The following CAMTA1 variants were observed in gnomAD, a reference collection of about 807,000 sequenced individuals.
CAMTA1 encodes the protein calmodulin binding transcription activator 1, also known as calmodulin-binding transcription activator 1.
A neutral mutation model predicts 170.9 loss-of-function variants in CAMTA1; 27 were observed. That is an observed-to-expected ratio of 0.16 (90% CI 0.12 to 0.22). The LOEUF is 0.22. Among genes scored for constraint, CAMTA1 ranks in the 10% least tolerant of loss-of-function variants. The pLI, the probability that CAMTA1 is intolerant of heterozygous loss-of-function variation, is 1.00. For synonymous variants in CAMTA1, 833 were observed against 891.5 expected, an observed-to-expected ratio of 0.93 and a Z score of 1.17; for missense variants, 1,619 against 2,217.2, an observed-to-expected ratio of 0.73 and a Z score of 5.42.
At chr1:7,352,511 T>C (rs116315314) in intron 5 of CAMTA1, among the ~76,000 whole-genome samples, 3,351 of 152,344 alleles carry the variant, frequency 0.022, 117 homozygotes, top group African/African-American at 0.075. Context: ...AGCTCCAGGC[T>C]GTGTGTGGCG....
Position 7,736,095 on chromosome 1 carries a change from G to A in CAMTA1, c.3067-249G>A, listed in dbSNP as rs534859825. 2.0e-5 allele frequency among the ~76,000 whole-genome samples: 3 copies of A among 152,158 alleles called. No homozygotes were observed. In the South Asian group the frequency reaches 6.2e-4, roughly 32 times the overall value. ...CAGCCTAAATTTTGTACTTTTTGTA[G>A]AGACAGGGTCTCACCATGTTGCCCA... On this transcript the variant is annotated intron_variant, in intron 12 of 22. Transcript: ENST00000303635. This position sits in a 1 kb window ranked among gnomAD's most constrained non-coding sequence, Gnocchi z 4.5.
In CAMTA1 at chr1:7,588,355, G is replaced by A. The variant is rs2095328177; in HGVS notation, c.511-52045G>A. 6.6e-6 allele frequency among the ~76,000 whole-genome samples: 1 copy of A among 152,200 alleles called. No individual in the cohort carries two copies. Among genetic ancestry groups the A allele is most frequent in the Admixed American group, 6.5e-5 (1 of 15,288 alleles). Reference sequence around the variant, plus strand: ...TCTGCAGTCTGGAGCCCTTTGCTCTGCCACACACAGTCGGGATGGTCCGGG... The same window carrying A: ...TCTGCAGTCTGGAGCCCTTTGCTCTACCACACACAGTCGGGATGGTCCGGG... On this transcript the variant is annotated intron_variant, in intron 6 of 22. Coordinates refer to ENST00000303635, the MANE Select transcript of CAMTA1 (RefSeq NM_015215.4). This position sits in a 1 kb window ranked among gnomAD's most constrained non-coding sequence, Gnocchi z 5.8.
In CAMTA1 at chr1:7,041,911, G is replaced by A. The variant is rs755305603; in HGVS notation, c.235-49393G>A. ...ACAGACCAAGTGGTGGCAATAATGT[G>A]TGCAGGGGTTAACGTCTGAATGCTC... On this transcript the variant is annotated intron_variant, in intron 3 of 22. Coordinates refer to ENST00000303635, the MANE Select transcript of CAMTA1 (RefSeq NM_015215.4). The surrounding 1 kb of genome is among the most constrained non-coding windows in gnomAD (Gnocchi z 5.1). Among the ~76,000 whole-genome samples the A allele has an allele frequency of 2.0e-4, 30 of 152,194 alleles. No individual in the cohort carries two copies. The highest frequency in any genetic ancestry group is 6.2e-4 in the South Asian group (3 of 4,830).
intron 5 of CAMTA1, among the ~76,000 whole-genome samples, chr1:7,436,953 G>A (rs1040793014): frequency 1.3e-5 from 2 of 152,118 alleles, no homozygotes; most frequent in East Asian, 1.9e-4. Context: ...AAGCCTGCAC[G>A]TTGGGGGGAA....
At chr1:7,717,218 T>A (rs939591705) in intron 11 of CAMTA1, among the ~76,000 whole-genome samples, 1 of 152,096 alleles carries the variant, frequency 6.6e-6, no homozygotes, top group African/African-American at 2.4e-5. Flanking sequence ...TGACTCGAGT[T>A]CATCATGATA....
rs1384011345 is a variant in CAMTA1 at position 7,251,568 on chromosome 1, G to A, written c.438+1942G>A. Among the ~76,000 whole-genome samples, 4 of 152,160 alleles carry A rather than the reference G, an allele frequency of 2.6e-5. No homozygotes were observed. The highest frequency in any genetic ancestry group is 4.1e-4 in the South Asian group (2 of 4,828). On this transcript the variant is annotated intron_variant, in intron 5 of 22. Transcript: ENST00000303635. This position sits in a 1 kb window ranked among gnomAD's most constrained non-coding sequence, Gnocchi z 5.1. The stretch of plus-strand genomic sequence containing the variant: ...TGGTGGCCTTGCCCGTGAGCTCAGC[G>A]AGTTGTCCCACTGAGCCACTCAGCA...
chr1:7,742,741 G>A (rs2096827736), intron 16 of CAMTA1, among the ~76,000 whole-genome samples: 1 of 152,170 alleles, frequency 6.6e-6, no homozygotes, highest in South Asian at 2.1e-4. Flanking sequence ...TAATATATTT[G>A]AATACTTTCA....
intron 4 of CAMTA1, among the ~76,000 whole-genome samples, chr1:7,215,087 C>T (rs1156241145): frequency 6.6e-6 from 1 of 152,066 alleles, no homozygotes; most frequent in Admixed American, 6.5e-5. Flanking sequence ...AAGCCTTCAT[C>T]TGTATCCTGA....
intron 22 of CAMTA1, among the ~76,000 whole-genome samples, chr1:7,765,588 G>A (rs558380352): frequency 6.6e-6 from 1 of 152,312 alleles, no homozygotes; most frequent in South Asian, 2.1e-4. Flanking sequence ...TGTGGAATGG[G>A]AGGAAAGTAA....
chr1:6,827,458 A>G (rs1367366226), intron 3 of CAMTA1, among the ~76,000 whole-genome samples: 1 of 151,938 alleles, frequency 6.6e-6, no homozygotes, highest in African/African-American at 2.4e-5. Flanking sequence ...AAATAGAGGA[A>G]TATTAAGTGT....
At chr1:7,315,110 A>G (rs930527803) in intron 5 of CAMTA1, among the ~76,000 whole-genome samples, 2 of 152,198 alleles carry the variant, frequency 1.3e-5, no homozygotes, top group African/African-American at 4.8e-5. Context: ...TGGAGGCTCA[A>G]TTTCATTGCC....
At chr1:6,824,879 C>T (rs570138120) in intron 2 of CAMTA1, among the ~76,000 whole-genome samples, 3 of 152,228 alleles carry the variant, frequency 2.0e-5, no homozygotes, top group African/African-American at 4.8e-5. Context: ...AGCACAAGCC[C>T]GATCCTGTTT....
In CAMTA1 at chr1:7,044,824, G is replaced by A. The variant is rs770435016; in HGVS notation, c.235-46480G>A. Among the ~76,000 whole-genome samples, 21 of 137,114 alleles carry A rather than the reference G, an allele frequency of 1.5e-4. No individual in the cohort carries two copies. The highest frequency in any genetic ancestry group is 2.7e-4 in the Non-Finnish European group (17 of 64,110). The allele number at this position is 137,114 out of a possible 152,430, so 90.0% of individuals were successfully genotyped here. On this transcript the variant is annotated intron_variant, in intron 3 of 22. Coordinates refer to ENST00000303635, the MANE Select transcript of CAMTA1 (RefSeq NM_015215.4). The surrounding 1 kb of genome is among the most constrained non-coding windows in gnomAD (Gnocchi z 5.0). ...CTCTCCCCCACTCCCTCCTCTTCCC[G>A]CCTGTGGTTTTCTTTCCCATTCCTG...
intron 22 of CAMTA1, among the ~76,000 whole-genome samples, chr1:7,763,235 T>C (rs193270589): frequency 1.0e-3 from 159 of 152,246 alleles, no homozygotes; most frequent in Non-Finnish European, 2.0e-3. Context: ...TTAATACTTT[T>C]TCTCTCTCAT....
intron 1 of CAMTA1, among the ~76,000 whole-genome samples, chr1:6,795,993 T>C (rs1321439942): frequency 1.3e-5 from 2 of 152,196 alleles, no homozygotes; most frequent in African/African-American, 4.8e-5. Context: ...GCTAAACAGA[T>C]TGAAACCTAA....
At chr1:7,548,701 G>T (rs1165547313) in intron 6 of CAMTA1, among the ~76,000 whole-genome samples, 8 of 118,920 alleles carry the variant, frequency 6.7e-5, no homozygotes, top group East Asian at 6.3e-4. Flanking sequence ...CCTTAGGGGT[G>T]GAGGTGCCCA....
In CAMTA1 at chr1:7,585,558, T is replaced by A. The variant is rs950476055; in HGVS notation, c.511-54842T>A. The stretch of plus-strand genomic sequence containing the variant: ...CCATGGGCATTGTAAGGACTTGGGG[T>A]TTCACCGTGAGTGTGGAGGGGAGCC... On this transcript the variant is annotated intron_variant, in intron 6 of 22. Transcript: ENST00000303635. The surrounding 1 kb of genome is among the most constrained non-coding windows in gnomAD (Gnocchi z 4.8). Among the ~76,000 whole-genome samples, 9 of 151,902 alleles carry A rather than the reference T, an allele frequency of 5.9e-5. No individual in the cohort carries two copies. Among genetic ancestry groups the A allele is most frequent in the African/African-American group, 1.9e-4 (8 of 41,332 alleles).
At chr1:7,330,892 C>A (rs2082988726) in intron 5 of CAMTA1, among the ~76,000 whole-genome samples, 1 of 152,138 alleles carries the variant, frequency 6.6e-6, no homozygotes, top group Admixed American at 6.5e-5. Flanking sequence ...GTCACACCAC[C>A]AGAGTCAGGC....
At chr1:7,329,320 A>C (rs1257367178) in intron 5 of CAMTA1, among the ~76,000 whole-genome samples, 2 of 152,216 alleles carry the variant, frequency 1.3e-5, no homozygotes, top group African/African-American at 4.8e-5. Context: ...TAATATTTTG[A>C]CCAATTAAGA....
Sources: gnomAD v4.1 joint callset for allele counts (sites outside exome capture counted in the v4.1 genomes callset) on GRCh38, gnomAD v4.1.1 for gene constraint, Gnocchi (gnomAD v3.1) non-coding constraint, MANE v1.5 for transcripts, NCBI Gene and HGNC (gene_info 2026-07-23, HGNC 2026-07-21) for gene names.